The following ERICH1 variants were observed in gnomAD, a reference collection of about 807,000 sequenced individuals.
ERICH1 encodes glutamate rich 1.
In ERICH1, 56 loss-of-function variants were observed where a neutral mutation model predicts 39.6. The ratio of observed to expected loss-of-function variants is 1.41; its 90% CI spans 1.14 to 1.77. The LOEUF (loss-of-function observed/expected upper bound fraction) is 1.77, where lower values mean the gene tolerates loss of function less well. ERICH1 is among the 40% of genes most tolerant of loss of function. The pLI, the probability that ERICH1 is intolerant of heterozygous loss-of-function variation, is 0.00. For missense variants in ERICH1, 826 were observed against 575.4 expected (o/e 1.44, Z -4.45); for synonymous variants, 313 against 223.6 (o/e 1.40, Z -3.57).
chr8:699,874 GGCGCACAGATCCGCACACGCGCACAGA>G (rs1811417160), intron 2 of ERICH1, among the ~76,000 whole-genome samples: 1 of 30,562 alleles, frequency 3.3e-5, no homozygotes, highest in Non-Finnish European at 6.3e-5. Context: ...GACCCTCACA[GGCGCACAGATCCGCACACGCGCACAGA>G]CCCGCACAGG....
At chr8:723,523 A>T (rs2132430538) in intron 1 of ERICH1, among the ~76,000 whole-genome samples, 1 of 152,368 alleles carries the variant, frequency 6.6e-6, no homozygotes, top group African/African-American at 2.4e-5. Flanking sequence ...GAAATCTCTC[A>T]AAACATTTCC....
At chr8:643,238 C>T (rs1284065299) in intron 3 of ERICH1, among the ~76,000 whole-genome samples, 1 of 152,326 alleles carries the variant, frequency 6.6e-6, no homozygotes, top group East Asian at 1.9e-4. Context: ...TGGCATGAGA[C>T]GATGACCTAG....
At chr8:698,834 A>ACGGTG (rs1810981481) in intron 2 of ERICH1, among the ~76,000 whole-genome samples, 1 of 151,838 alleles carries the variant, frequency 6.6e-6, no homozygotes, top group Admixed American at 6.6e-5. Context: ...ACCAGGGCTC[A>ACGGTG]CGGTGCACCT....
At chr8:669,768 G>A (rs1185933672) in intron 4 of ERICH1, among the ~76,000 whole-genome samples, 5 of 152,244 alleles carry the variant, frequency 3.3e-5, no homozygotes, top group African/African-American at 9.6e-5. Flanking sequence ...AAATCAAGGA[G>A]AACTGAAAAC....
At chr8:670,687 G>A (rs1803102461) in intron 4 of ERICH1, among the ~76,000 whole-genome samples, 1 of 152,174 alleles carries the variant, frequency 6.6e-6, no homozygotes. Flanking sequence ...TCCACCCACA[G>A]CTTCAGAATT....
intron 3 of ERICH1, among the ~76,000 whole-genome samples, chr8:681,876 C>T (rs1051816211): frequency 1.3e-5 from 2 of 152,152 alleles, no homozygotes; most frequent in South Asian, 2.1e-4. Flanking sequence ...AAGTCACTTT[C>T]GCAAGGACCC....
At chr8:718,572 G>A (rs11989835) in intron 1 of ERICH1, among the ~76,000 whole-genome samples, 1 of 152,220 alleles carries the variant, frequency 6.6e-6, no homozygotes. Context: ...CGGGAACAAT[G>A]TAAAGTCAGC....
intron 3 of ERICH1, among the ~76,000 whole-genome samples, chr8:634,515 C>A (rs886552740): frequency 6.6e-6 from 1 of 152,230 alleles, no homozygotes; most frequent in South Asian, 2.1e-4. Flanking sequence ...GTCTGCACAC[C>A]CATGCTCAGG....
chr8:653,992 C>A, intron 3 of ERICH1, among the ~76,000 whole-genome samples: 1 of 151,584 alleles, frequency 6.6e-6, no homozygotes, highest in East Asian at 1.9e-4. Context: ...CTGGAGAAGT[C>A]GGAGCCACAG....
chr8:715,782 C>T (rs1477660915), intron 2 of ERICH1, 79 bp downstream of exon 2: 1 of 1,532,378 alleles, frequency 6.5e-7, no homozygotes, highest in African/African-American at 1.4e-5. Flanking sequence ...GCCCAAAAGA[C>T]ACATTCTCCA....
intron 1 of ERICH1, among the ~76,000 whole-genome samples, chr8:716,574 C>T (rs1302744783): frequency 2.0e-5 from 3 of 152,230 alleles, no homozygotes; most frequent in Non-Finnish European, 2.9e-5. Context: ...CGTGGTTTAA[C>T]GACTAAACAG....
At chr8:710,260 T>G (rs1814402325) in intron 2 of ERICH1, among the ~76,000 whole-genome samples, 1 of 152,034 alleles carries the variant, frequency 6.6e-6, no homozygotes, top group Admixed American at 6.6e-5. Context: ...GCAAATCCTC[T>G]GGGCTCCACC....
At chr8:658,220 C>T (rs1800917934) in intron 3 of ERICH1, among the ~76,000 whole-genome samples, 1 of 152,222 alleles carries the variant, frequency 6.6e-6, no homozygotes, top group East Asian at 1.9e-4. Context: ...CAGGAGGGCC[C>T]AGCCTGGCCC....
chr8:673,440 T>A lies in ERICH1; in HGVS notation c.912A>T (p.Glu304Asp). 1.2e-6 allele frequency: 2 copies of A among 1,614,000 alleles called. No individual in the cohort carries two copies. The highest frequency in any genetic ancestry group is 1.3e-5 in the African/African-American group (1 of 75,010). ...CTTCCTCCCCAGCCCATGTCGGGTCTTCCTCGCTGGCGTCCGCACCGTCCT... is the reference window on the plus strand; with the variant it reads ...CTTCCTCCCCAGCCCATGTCGGGTCATCCTCGCTGGCGTCCGCACCGTCCT... ...REEDGADASE[E>D]DPTWAGEEEG... is the part of the protein sequence containing the mutation. The change falls in exon 4 of 6, where the codon GAA becomes GAT. Residue 304 changes from glutamate (E) to aspartate (D), a missense_variant. By Grantham distance (45) the Glu-to-Asp change is conservative (BLOSUM62 2). Transcript: ENST00000262109.
chr8:633,708 G>C (rs1385717163), intron 3 of ERICH1, among the ~76,000 whole-genome samples: 2 of 152,194 alleles, frequency 1.3e-5, no homozygotes, highest in African/African-American at 4.8e-5. Context: ...GAACAGAGGC[G>C]AGGACCCAGA....
intron 3 of ERICH1, among the ~76,000 whole-genome samples, chr8:638,988 C>G (rs1270019813): frequency 6.6e-6 from 1 of 152,106 alleles, no homozygotes; most frequent in African/African-American, 2.4e-5. Flanking sequence ...AACTGCCCCC[C>G]TACCAGTCAC....
chr8:681,766 G>A (rs1806169499), intron 3 of ERICH1, among the ~76,000 whole-genome samples: 1 of 152,256 alleles, frequency 6.6e-6, no homozygotes, highest in South Asian at 2.1e-4. Context: ...TGGGTGGAAA[G>A]ATGGCCAGCA....
Position 731,132 on chromosome 8 carries a change from C to A in ERICH1, c.22+8G>T. The stretch of plus-strand genomic sequence containing the variant: ...GTCTGGGCAGGCCTCCGCACCGCAC[C>A]CACCTACCGTGCTTCCTGTGCGCCG... On this transcript the variant is annotated splice_region_variant and intron_variant, in intron 1 of 5. Transcript: ENST00000262109. 1 of 1,520,862 alleles carries A rather than the reference C, an allele frequency of 6.6e-7. No individual in the cohort carries two copies. The highest frequency in any genetic ancestry group is 8.8e-7 in the Non-Finnish European group (1 of 1,136,480). The allele number at this position is 1,520,862 out of a possible 1,614,324, so 94.2% of individuals were successfully genotyped here.
At chr8:680,510 C>T (rs984448811) in intron 3 of ERICH1, among the ~76,000 whole-genome samples, 2 of 150,088 alleles carry the variant, frequency 1.3e-5, no homozygotes, top group South Asian at 2.1e-4. Context: ...AGAGAATCCA[C>T]AGCTGCCACC....
Sources: allele counts gnomAD v4.1 joint callset (sites outside exome capture counted in the v4.1 genomes callset), GRCh38; gene constraint gnomAD v4.1.1; transcripts MANE v1.5; gene names NCBI Gene and HGNC (gene_info 2026-07-23, HGNC 2026-07-21).